Variants in PPP2CA observed in about 807,000 individuals in gnomAD.
PPP2CA encodes the protein serine/threonine-protein phosphatase 2A catalytic subunit alpha isoform.
A neutral mutation model predicts 38.8 loss-of-function variants in PPP2CA; 5 were observed. The observed-to-expected ratio is 0.13, with a 90% CI of 0.07 to 0.27. The LOEUF (loss-of-function observed/expected upper bound fraction) is 0.27, where lower values mean the gene tolerates loss of function less well. Among genes scored for constraint, PPP2CA ranks in the 10% least tolerant of loss-of-function variants. PPP2CA has a pLI of 1.00. For synonymous variants in PPP2CA, 152 were observed against 134.0 expected, an observed-to-expected ratio of 1.13 and a Z score of -0.93; for missense variants, 88 against 389.7, an observed-to-expected ratio of 0.23 and a Z score of 6.52.
intron 1 of PPP2CA, among the ~76,000 whole-genome samples, chr5:134,212,891 A>C (rs947163225): frequency 1.3e-5 from 2 of 152,242 alleles, no homozygotes; most frequent in African/African-American, 4.8e-5. Flanking sequence ...CTAATTCTTC[A>C]ATTCTATAAA....
chr5:134,226,014 G>C lies in PPP2CA; in HGVS notation c.-153C>G. On this transcript the variant is annotated 5_prime_UTR_variant, in exon 1 of 7. Coordinates refer to ENST00000481195, the MANE Select transcript of PPP2CA (RefSeq NM_002715.4). The stretch of plus-strand genomic sequence containing the variant: ...CCCGCTGGCTCTCACCGCAGTACTC[G>C]GCCGTCGGCCGCTGCGCCTCCTCCT... 12 of 595,800 alleles carry C rather than the reference G, an allele frequency of 2.0e-5. No homozygotes were observed. The South Asian group carries it at 2.3e-4, about 12-fold the overall frequency. 36.9% of individuals were successfully genotyped at this position (595,800 alleles called of 1,614,324 possible). A position where few individuals can be genotyped will look rare whatever the true frequency, so the allele number is the denominator to read the frequency against.
chr5:134,212,131 C>T (rs1366789290), intron 1 of PPP2CA, among the ~76,000 whole-genome samples: 1 of 80,260 alleles, frequency 1.2e-5, no homozygotes, highest in African/African-American at 4.9e-5. Flanking sequence ...ATAGTAATTT[C>T]CTTAAGAGCA....
intron 1 of PPP2CA, among the ~76,000 whole-genome samples, chr5:134,220,279 T>G (rs903899382): frequency 1.7e-4 from 26 of 151,530 alleles, no homozygotes; most frequent in Admixed American, 1.6e-3. Flanking sequence ...GCCAACATGG[T>G]GAAACCCTGT....
At chr5:134,213,459 G>A (rs540327169) in intron 1 of PPP2CA, among the ~76,000 whole-genome samples, 1 of 151,826 alleles carries the variant, frequency 6.6e-6, no homozygotes, top group African/African-American at 2.4e-5. Flanking sequence ...TGCTCAGCCT[G>A]GGCAACACAC....
chr5:134,196,833 T>C lies in PPP2CA; in HGVS notation c.*939A>G, dbSNP rs1435355991. On this transcript the variant is annotated 3_prime_UTR_variant, in exon 7 of 7. Transcript: ENST00000481195. ...TCTTACTGAAGCAGCACAGATTTCC[T>C]TTCTTACAAACAAGTTAATATGCAG... The C allele has an allele frequency of 1.3e-5, 2 of 152,432 alleles. No individual in the cohort carries two copies. The highest frequency in any genetic ancestry group is 4.8e-5 in the African/African-American group (2 of 41,384). The allele number at this position is 152,432 out of a possible 1,614,324, so 9.4% of individuals were successfully genotyped here.
intron 1 of PPP2CA, chr5:134,225,434 A>C: frequency 4.0e-6 from 1 of 250,322 alleles, no homozygotes. Flanking sequence ...AATCCAAGCC[A>C]GCTCACCCTC....
chr5:134,201,130 G>A, intron 3 of PPP2CA, 56 bp from the exon 4 acceptor site: 8 of 1,385,682 alleles, frequency 5.8e-6, no homozygotes, highest in Non-Finnish European at 8.2e-6. Flanking sequence ...AAACATTCTT[G>A]GCTGGGCACA....
At chr5:134,200,927 A>AGGGAG (rs1761956153) in intron 4 of PPP2CA, 58 bp downstream of exon 4, 6 of 1,363,982 alleles carry the variant, frequency 4.4e-6, no homozygotes, top group Non-Finnish European at 6.3e-6. Flanking sequence ...ACTTACAATT[A>AGGGAG]AACTTCTCCA....
chr5:134,199,238 C>T (rs1761921932), intron 5 of PPP2CA, 34 bp from the exon 6 acceptor site: 2 of 1,480,776 alleles, frequency 1.4e-6, no homozygotes, highest in Non-Finnish European at 1.9e-6. Context: ...TCTTACTTTA[C>T]TCCCTCAATT....
At chr5:134,199,518 G>C (rs1293659554) in intron 5 of PPP2CA, 1 of 209,926 alleles carries the variant, frequency 4.8e-6, no homozygotes, top group Non-Finnish European at 9.5e-6. Flanking sequence ...TGCTGTAAAT[G>C]ACAATGTCTC....
In PPP2CA at chr5:134,196,471, A is replaced by G. The variant is rs144657101; in HGVS notation, c.*1301T>C. ...CATTTTTGTCTTCGGGTGAATGTACATAAGACTAAATCATGATCCAACAAT... is the reference window on the plus strand; with the variant it reads ...CATTTTTGTCTTCGGGTGAATGTACGTAAGACTAAATCATGATCCAACAAT... On this transcript the variant is annotated 3_prime_UTR_variant, in exon 7 of 7. Coordinates refer to ENST00000481195, the MANE Select transcript of PPP2CA (RefSeq NM_002715.4). 93 of 152,336 alleles carry G rather than the reference A, an allele frequency of 6.1e-4. No individual in the cohort carries two copies. The highest frequency in any genetic ancestry group is 2.0e-3 in the African/African-American group (82 of 41,584). 9.4% of individuals were successfully genotyped at this position (152,336 alleles called of 1,614,324 possible).
chr5:134,212,728 T>C (rs1762227566), intron 1 of PPP2CA, among the ~76,000 whole-genome samples: 1 of 152,200 alleles, frequency 6.6e-6, no homozygotes, highest in Non-Finnish European at 1.5e-5. Flanking sequence ...AAAAGTTCTT[T>C]AAGGAAATTA....
Position 134,195,645 on chromosome 5 carries a change from A to G in PPP2CA, c.*2127T>C, listed in dbSNP as rs1015944902. ...CCAACTTAGTGATTCCCATCCAACCATAATTATGTATTTTTCAAGAAAATA... is the reference window on the plus strand; with the variant it reads ...CCAACTTAGTGATTCCCATCCAACCGTAATTATGTATTTTTCAAGAAAATA... On this transcript the variant is annotated 3_prime_UTR_variant, in exon 7 of 7. Coordinates refer to ENST00000481195, the MANE Select transcript of PPP2CA (RefSeq NM_002715.4). 1.2e-4 allele frequency: 19 copies of G among 152,246 alleles called. No homozygotes were observed. Among genetic ancestry groups the G allele is most frequent in the African/African-American group, 3.9e-4 (16 of 41,468 alleles). 9.4% of individuals were successfully genotyped at this position (152,246 alleles called of 1,614,324 possible).
chr5:134,202,150 A>G, intron 2 of PPP2CA, 129 bp from the exon 3 acceptor site: 1 of 881,916 alleles, frequency 1.1e-6, no homozygotes. Flanking sequence ...CTCATATCAT[A>G]GTGAACCAAA....
chr5:134,215,416 A>G (rs965630705), intron 1 of PPP2CA, among the ~76,000 whole-genome samples: 2 of 152,078 alleles, frequency 1.3e-5, no homozygotes, highest in Admixed American at 1.3e-4. Context: ...CCAAAAAAAA[A>G]ATACAAAAAT....
chr5:134,202,126 A>C, intron 2 of PPP2CA, 105 bp from the exon 3 acceptor site: 2 of 1,130,138 alleles, frequency 1.8e-6, no homozygotes, highest in East Asian at 5.2e-5. Context: ...TTTGTTGAAA[A>C]AACAGCACAC....
intron 1 of PPP2CA, among the ~76,000 whole-genome samples, chr5:134,218,939 G>T (rs1762381811): frequency 6.6e-6 from 1 of 152,142 alleles, no homozygotes; most frequent in Non-Finnish European, 1.5e-5. Flanking sequence ...AAAGTGCTGG[G>T]ATTCCAGGCG....
chr5:134,202,167 G>C, intron 2 of PPP2CA, 146 bp from the exon 3 acceptor site: 2 of 748,168 alleles, frequency 2.7e-6, no homozygotes, highest in Non-Finnish European at 4.1e-6. Context: ...CAAAACCACA[G>C]CTCTACAGAA....
At chr5:134,202,707 T>C (rs542752748) in intron 2 of PPP2CA, among the ~76,000 whole-genome samples, 2 of 152,376 alleles carry the variant, frequency 1.3e-5, no homozygotes, top group Admixed American at 1.3e-4. Flanking sequence ...TGGAAGTTTT[T>C]CTGTGGACAT....
Sources: allele counts gnomAD v4.1 joint callset (sites outside exome capture counted in the v4.1 genomes callset), GRCh38; gene constraint gnomAD v4.1.1; transcripts MANE v1.5; gene names NCBI Gene and HGNC (gene_info 2026-07-23, HGNC 2026-07-21).